TPGS2: variants seen among roughly 807,000 people sequenced by gnomAD.
TPGS2 encodes polyglutamylase subunit 2.
In TPGS2, 26 loss-of-function variants were observed where a neutral mutation model predicts 31.1. That is an observed-to-expected ratio of 0.84 (90% CI 0.61 to 1.16). The LOEUF is 1.16. Among genes scored for constraint, TPGS2 ranks in the 50% most tolerant of loss-of-function variants. The pLI is 0.00. For synonymous variants in TPGS2, 130 were observed against 136.6 expected, an observed-to-expected ratio of 0.95 and a Z score of 0.34; for missense variants, 351 against 363.8, an observed-to-expected ratio of 0.96 and a Z score of 0.29.
chr18:36,807,838 C>G lies in TPGS2; in HGVS notation c.253+9G>C. ...AGGGAAATGTTCTCCTACAAGGAGG[C>G]TGACTCACCATCCAGCTTCACACTC... On this transcript the variant is annotated intron_variant, in intron 3 of 6. Coordinates refer to ENST00000334295, the MANE Select transcript of TPGS2 (RefSeq NM_015476.4). 1 of 1,613,530 alleles carries G rather than the reference C, an allele frequency of 6.2e-7. No homozygotes were observed. The highest frequency in any genetic ancestry group is 1.3e-5 in the African/African-American group (1 of 75,034).
chr18:36,816,528 T>C (rs909594395), intron 2 of TPGS2, among the ~76,000 whole-genome samples: 1 of 152,228 alleles, frequency 6.6e-6, no homozygotes, highest in Non-Finnish European at 1.5e-5. Context: ...AAGGCATTCC[T>C]GTCCTCTCAC....
intron 3 of TPGS2, among the ~76,000 whole-genome samples, 157 bp from the exon 4 acceptor site, chr18:36,805,659 T>C (rs1396918159): frequency 6.6e-6 from 1 of 152,158 alleles, no homozygotes; most frequent in Non-Finnish European, 1.5e-5. Context: ...ACTCACTGCA[T>C]ATTCCAAAGT....
chr18:36,827,848 T>C (rs1371417695), intron 1 of TPGS2, among the ~76,000 whole-genome samples: 1 of 152,232 alleles, frequency 6.6e-6, no homozygotes, highest in Non-Finnish European at 1.5e-5. Flanking sequence ...TGTTTATTTT[T>C]TTCACAGAAC....
intron 4 of TPGS2, among the ~76,000 whole-genome samples, chr18:36,801,010 T>C (rs1185626551): frequency 1.3e-5 from 2 of 152,192 alleles, no homozygotes; most frequent in Non-Finnish European, 2.9e-5. Flanking sequence ...AAAAGCCCTC[T>C]AAGTCATGTG....
intron 4 of TPGS2, among the ~76,000 whole-genome samples, chr18:36,804,580 A>C (rs563122320): frequency 6.6e-6 from 1 of 152,300 alleles, no homozygotes; most frequent in East Asian, 1.9e-4. Context: ...CGGAGGAGAA[A>C]GCCTTACATC....
intron 2 of TPGS2, among the ~76,000 whole-genome samples, chr18:36,811,190 G>A (rs1456353928): frequency 6.6e-6 from 1 of 152,220 alleles, no homozygotes; most frequent in Non-Finnish European, 1.5e-5. Context: ...TTCTCAGGGA[G>A]GACATTCCAT....
rs113357015 is a variant in TPGS2 at position 36,815,461 on chromosome 18, A to C, written c.165+3433T>G. ...GAAAAAGCCTTTTCCCCCACCTCCC[A>C]AAAAAAACATATCTGACATACACTT... On this transcript the variant is annotated intron_variant, in intron 2 of 6. Transcript: ENST00000334295. Among the ~76,000 whole-genome samples the C allele has an allele frequency of 2.5e-3, 385 of 151,946 alleles. 6 individuals carry two copies. Among genetic ancestry groups the C allele is most frequent in the Non-Finnish European group, 2.9e-3 (194 of 67,916 alleles).
At position 36,796,531 on chromosome 18, in the gene TPGS2, G is replaced by GTGT. The variant is rs1294391887; in HGVS notation, c.*271_*273dup. ...TCAGTGCTAAGGGATTGAGGGTTGA[G>GTGT]TGTTGAAGAAGAGGAAAGCACTCAG... On this transcript the variant is annotated 3_prime_UTR_variant, in exon 7 of 7. Transcript: ENST00000334295. 5.6e-6 allele frequency: 7 copies of GTGT among 1,252,436 alleles called. No homozygotes were observed. The African/African-American group carries it at 1.1e-4, about 20-fold the overall frequency. 77.6% of individuals were successfully genotyped at this position (1,252,436 alleles called of 1,614,324 possible).
chr18:36,795,916 G>A lies in TPGS2; in HGVS notation c.*889C>T, dbSNP rs2044505654. On this transcript the variant is annotated 3_prime_UTR_variant, in exon 7 of 7. Transcript: ENST00000334295. ...TAAAACTCTTTCTTTATGAAGAGTT[G>A]TGCAAAACAATGTTTGGGAATTTTT... The A allele has an allele frequency of 1.0e-6, 1 of 985,346 alleles. No individual in the cohort carries two copies. The highest frequency in any genetic ancestry group is 4.7e-5 in the South Asian group (1 of 21,294). The allele number at this position is 985,346 out of a possible 1,614,324, so 61.0% of individuals were successfully genotyped here. A position where few individuals can be genotyped will look rare whatever the true frequency, so the allele number is the denominator to read the frequency against.
downstream of TPGS2, among the ~76,000 whole-genome samples, chr18:36,793,264 G>A (rs1600731324): frequency 6.6e-6 from 1 of 152,120 alleles, no homozygotes. Context: ...GTTCCTTACC[G>A]CCCCATTCAC....
At chr18:36,780,067 CTT>C, downstream of TPGS2, 2 of 1,090,432 alleles carry the variant, frequency 1.8e-6, no homozygotes, top group Non-Finnish European at 2.3e-6. Flanking sequence ...TAATGAGAAA[CTT>C]TTATTCTTCT....
At chr18:36,823,406 C>T (rs114534003) in intron 1 of TPGS2, among the ~76,000 whole-genome samples, 1 of 151,246 alleles carries the variant, frequency 6.6e-6, no homozygotes, top group Non-Finnish European at 1.5e-5. Context: ...TCAGCAACAG[C>T]GTAACAGATT....
chr18:36,798,716 G>C (rs1382453645), intron 5 of TPGS2, 107 bp from the exon 6 acceptor site: 1 of 1,476,008 alleles, frequency 6.8e-7, no homozygotes, highest in Non-Finnish European at 9.0e-7. Context: ...TCCCAACAGA[G>C]AGAATGGAAA....
At chr18:36,801,218 T>C (rs138272894) in intron 4 of TPGS2, among the ~76,000 whole-genome samples, 78 of 152,346 alleles carry the variant, frequency 5.1e-4, no homozygotes, top group African/African-American at 1.7e-3. Context: ...TGCAATAGAA[T>C]AGATGTTGCC....
At position 36,805,370 on chromosome 18, in the gene TPGS2, C is replaced by G. The variant is rs750403506; in HGVS notation, c.382+4G>C. On this transcript the variant is annotated splice_donor_region_variant and intron_variant, in intron 4 of 6. Transcript: ENST00000334295. ...CAAAGATACCAACCTTGGTATCTTC[C>G]TACCTTCATGTGTATCGTCCTCCAG... 6.2e-7 allele frequency: 1 copy of G among 1,613,768 alleles called. No homozygotes were observed. The highest frequency in any genetic ancestry group is 8.5e-7 in the Non-Finnish European group (1 of 1,179,732).
chr18:36,786,248 T>C (rs1600714129), intron 6 of TPGS2, among the ~76,000 whole-genome samples: 1 of 152,114 alleles, frequency 6.6e-6, no homozygotes, highest in South Asian at 2.1e-4. Flanking sequence ...TAGCGTCTGG[T>C]GGTGTTCTGT....
Position 36,828,703 on chromosome 18 carries a change from A to C in TPGS2, c.65T>G (p.Leu22Arg). Reference protein sequence around the residue: ...CSKPHLEKLTLGITRILESSP... With the variant: ...CSKPHLEKLTRGITRILESSP... The stretch of plus-strand genomic sequence containing the variant: ...CTCACCTAGGATGCGCGTGATGCCC[A>C]GGGTCAGCTTCTCCAGGTGCGGCTT... Residue 22 changes from leucine to arginine, a missense_variant, in exon 1 of 7, where the codon CTG becomes CGG. Transcript: ENST00000334295. The C allele has an allele frequency of 6.2e-7, 1 of 1,614,104 alleles. No homozygotes were observed. The highest frequency in any genetic ancestry group is 8.5e-7 in the Non-Finnish European group (1 of 1,179,996).
At position 36,795,564 on chromosome 18, in the gene TPGS2, G is replaced by GAA; in HGVS notation, c.*1239_*1240dup. ...CCCACAGCCAGGACTGTAGAGGGAG[G>GAA]AAATAAATAGGCATTCCTAATTGAA... On this transcript the variant is annotated 3_prime_UTR_variant, in exon 7 of 7. Transcript: ENST00000334295. 1.0e-6 allele frequency: 1 copy of GAA among 985,440 alleles called. No homozygotes were observed. Among genetic ancestry groups the GAA allele is most frequent in the Non-Finnish European group, 1.2e-6 (1 of 829,932 alleles). 61.0% of individuals were successfully genotyped at this position (985,440 alleles called of 1,614,324 possible).
downstream of TPGS2, among the ~76,000 whole-genome samples, chr18:36,792,689 C>A (rs541836090): frequency 6.6e-6 from 1 of 152,280 alleles, no homozygotes; most frequent in South Asian, 2.1e-4. Flanking sequence ...ATCTGGGTAT[C>A]TTACTTTCTA....
Sources: allele counts gnomAD v4.1 joint callset (sites outside exome capture counted in the v4.1 genomes callset), GRCh38; gene constraint gnomAD v4.1.1; transcripts MANE v1.5; gene names NCBI Gene and HGNC (gene_info 2026-07-23, HGNC 2026-07-21).